TOR1AIP2: variants seen among roughly 807,000 people sequenced by gnomAD.
The protein encoded by TOR1AIP2 is torsin-1A-interacting protein 2.
In TOR1AIP2, 20 loss-of-function variants were observed where a neutral mutation model predicts 32.6. That is an observed-to-expected ratio of 0.61 (90% CI 0.43 to 0.89). TOR1AIP2 has a LOEUF of 0.89. Ranked by LOEUF, TOR1AIP2 falls within the 40% of genes least tolerant of loss-of-function variation. TOR1AIP2 has a pLI of 0.00. For synonymous variants in TOR1AIP2, 214 were observed against 210.8 expected (o/e 1.02, Z -0.13); for missense variants, 456 against 553.8 (o/e 0.82, Z 1.77).
intron 3 of TOR1AIP2, chr1:179,861,499 A>G (rs1212066449): frequency 2.5e-5 from 25 of 982,286 alleles, no homozygotes; most frequent in Non-Finnish European, 3.0e-5. Context: ...CCCTCTTAAT[A>G]TTAAAATTAA....
chr1:179,864,034 G>C, intron 3 of TOR1AIP2: 1 of 985,372 alleles, frequency 1.0e-6, no homozygotes, highest in Non-Finnish European at 1.2e-6. Flanking sequence ...CATTTCCAGG[G>C]GAGGACGTTG....
At position 179,850,941 on chromosome 1, in the gene TOR1AIP2, G is replaced by A. The variant is rs914441089; in HGVS notation, c.457C>T (p.Pro153Ser). Residue 153 changes from proline to serine, a missense_variant, in exon 5 of 7, where the codon CCA becomes TCA. Transcript: ENST00000609928. ...GCCTCCTGGGAGTCTGTAGTAGGTG[G>A]TTCCTGAGATGCTCCAGTTCCGTCA... ...ASDGTGASQE[P>S]PTTDSQEAQS... 3 of 1,614,078 alleles carry A rather than the reference G, an allele frequency of 1.9e-6. No individual in the cohort carries two copies. In the African/African-American group the frequency reaches 4.0e-5, roughly 22 times the overall value.
chr1:179,865,128 G>A, intron 3 of TOR1AIP2: 1 of 1,613,542 alleles, frequency 6.2e-7, no homozygotes, highest in Non-Finnish European at 8.5e-7. Flanking sequence ...TCTAAACTAG[G>A]GAACCACTGT....
chr1:179,858,418 A>AAAAG (rs1696389083), intron 3 of TOR1AIP2, among the ~76,000 whole-genome samples: 2 of 151,932 alleles, frequency 1.3e-5, no homozygotes, highest in African/African-American at 4.9e-5. Context: ...TCAACTGTAC[A>AAAAG]CATAAAGTTT....
rs1252389683 is a variant in TOR1AIP2, at chr1:179,859,452, T to C, written c.-147+5984A>G. 6.1e-6 allele frequency: 6 copies of C among 985,332 alleles called. No homozygotes were observed. The East Asian group carries it at 4.5e-4, about 74-fold the overall frequency. The allele number at this position is 985,332 out of a possible 1,614,324, so 61.0% of individuals were successfully genotyped here. On this transcript the variant is annotated intron_variant, in intron 3 of 6. Coordinates refer to ENST00000609928, the MANE Select transcript of TOR1AIP2 (RefSeq NM_001199260.2). ...CACTTTTAAAAGCTTGTATTAAGCATACCACAAGCACCCTGACTCTGGAAA... is the reference window on the plus strand; with the variant it reads ...CACTTTTAAAAGCTTGTATTAAGCACACCACAAGCACCCTGACTCTGGAAA...
chr1:179,861,677 A>G (rs1558019925), intron 3 of TOR1AIP2: 1 of 985,252 alleles, frequency 1.0e-6, no homozygotes, highest in African/African-American at 1.7e-5. Flanking sequence ...CTGACATGAA[A>G]TCTCTTTTTA....
chr1:179,859,363 A>G (rs756500806), intron 3 of TOR1AIP2: 123 of 964,312 alleles, frequency 1.3e-4, no homozygotes, highest in Non-Finnish European at 1.4e-4. Context: ...ACCCAAGAAC[A>G]CGTGACTACT....
In TOR1AIP2 at chr1:179,842,262, G is replaced by A. The variant is rs1480845072; in HGVS notation, c.*3809C>T. On this transcript the variant is annotated 3_prime_UTR_variant, in exon 7 of 7. Coordinates refer to ENST00000609928, the MANE Select transcript of TOR1AIP2 (RefSeq NM_001199260.2). ...ATCTCAGCGGCTAGCACTATTTAGT[G>A]GAGTCACTAGCTAAGAGAATGGTGG... 1 of 151,954 alleles carries A rather than the reference G, an allele frequency of 6.6e-6. No homozygotes were observed. The highest frequency in any genetic ancestry group is 2.4e-5 in the African/African-American group (1 of 41,342). The allele number at this position is 151,954 out of a possible 1,614,324, so 9.4% of individuals were successfully genotyped here.
chr1:179,858,530 T>A (rs1203458380), intron 3 of TOR1AIP2, among the ~76,000 whole-genome samples: 1 of 152,210 alleles, frequency 6.6e-6, no homozygotes, highest in Admixed American at 6.5e-5. Context: ...CTTTTCTGTA[T>A]GTTTGATGTA....
intron 3 of TOR1AIP2, among the ~76,000 whole-genome samples, chr1:179,855,219 G>A (rs1039841025): frequency 1.3e-5 from 2 of 151,954 alleles, no homozygotes; most frequent in African/African-American, 2.4e-5. Flanking sequence ...AAACCAGAAA[G>A]GAAAATTTGA....
chr1:179,863,773 T>TGGC (rs1696654677), intron 3 of TOR1AIP2: 1 of 984,284 alleles, frequency 1.0e-6, no homozygotes, highest in Non-Finnish European at 1.2e-6. Context: ...AAGCACTAGA[T>TGGC]ACCTAGATAC....
At position 179,851,096 on chromosome 1, in the gene TOR1AIP2, T is replaced by G; in HGVS notation, c.302A>C (p.His101Pro). Residue 101 changes from histidine to proline, a missense_variant, in exon 5 of 7, where the codon CAT (histidine) becomes CCT (proline). His to Pro is a moderately conservative substitution (Grantham distance 77). Transcript: ENST00000609928. ...ACCCAGATTTTCTGAAGGGAGGTGATGCCCTTTTCCGCCATCCAGAAAACT... is the reference window on the plus strand; with the variant it reads ...ACCCAGATTTTCTGAAGGGAGGTGAGGCCCTTTTCCGCCATCCAGAAAACT... The part of the protein sequence containing the change: ...KQSFLDGGKG[H>P]HLPSENLGKE... 6.2e-7 allele frequency: 1 copy of G among 1,614,272 alleles called. No individual in the cohort carries two copies. The highest frequency in any genetic ancestry group is 1.3e-5 in the African/African-American group (1 of 75,076).
chr1:179,848,237 T>G (rs1289403694), intron 5 of TOR1AIP2, among the ~76,000 whole-genome samples: 2 of 152,188 alleles, frequency 1.3e-5, no homozygotes, highest in Non-Finnish European at 2.9e-5. Context: ...AAAATGTAAT[T>G]CAGCAAAATG....
Position 179,846,223 on chromosome 1 carries a change from A to G in TOR1AIP2, c.1261T>C (p.Leu421=). 6.2e-7 allele frequency: 1 copy of G among 1,614,186 alleles called. No individual in the cohort carries two copies. Among genetic ancestry groups the G allele is most frequent in the Non-Finnish European group, 8.5e-7 (1 of 1,180,032 alleles). The part of the protein sequence containing the change: ...PRETEEKVRD[L]LWAKFTNSDT... ...GAGTTGGTAAACTTGGCCCAGAGTA[A>G]GTCTCTCACTTTTTCTTCCGTTTCC... is the stretch of plus-strand genomic sequence containing the variant. The change falls in exon 7 of 7, where the codon TTA becomes CTA. Residue 421 remains leucine (L), a synonymous_variant. Coordinates refer to ENST00000609928, the MANE Select transcript of TOR1AIP2 (RefSeq NM_001199260.2).
rs895563254 is a variant in TOR1AIP2, at chr1:179,845,515, T to C, written c.*556A>G. 3.9e-5 allele frequency: 6 copies of C among 152,448 alleles called. No individual in the cohort carries two copies. Among genetic ancestry groups the C allele is most frequent in the African/African-American group, 1.4e-4 (6 of 41,460 alleles). The allele number at this position is 152,448 out of a possible 1,614,324, so 9.4% of individuals were successfully genotyped here. A position where few individuals can be genotyped will look rare whatever the true frequency, so the allele number is the denominator to read the frequency against. On this transcript the variant is annotated 3_prime_UTR_variant, in exon 7 of 7. Coordinates refer to ENST00000609928, the MANE Select transcript of TOR1AIP2 (RefSeq NM_001199260.2). ...AGTATTTAGGTAGGTACTTAATGGTTTGAATTCTTATTTCTTTTATCATAC... is the reference window on the plus strand; with the variant it reads ...AGTATTTAGGTAGGTACTTAATGGTCTGAATTCTTATTTCTTTTATCATAC...
At chr1:179,848,034 G>GAAA (rs11445917) in intron 5 of TOR1AIP2, among the ~76,000 whole-genome samples, 7 of 86,704 alleles carry the variant, frequency 8.1e-5, no homozygotes, top group Admixed American at 1.4e-4. Flanking sequence ...CTCCATCTCA[G>GAAA]AAAAAAAAAA....
intron 3 of TOR1AIP2, chr1:179,859,134 C>G (rs1372056329): frequency 1.0e-6 from 1 of 985,074 alleles, no homozygotes; most frequent in Non-Finnish European, 1.2e-6. Flanking sequence ...GGCCCTGAAA[C>G]AAGTAGTTAC....
intron 2 of TOR1AIP2, among the ~76,000 whole-genome samples, chr1:179,866,459 C>A (rs1336563895): frequency 1.3e-5 from 2 of 152,074 alleles, no homozygotes; most frequent in African/African-American, 4.8e-5. Context: ...GTTGCCCAGG[C>A]TGGAGTGCAA....
At chr1:179,849,062 G>A (rs1356310956) in intron 5 of TOR1AIP2, among the ~76,000 whole-genome samples, 1 of 152,158 alleles carries the variant, frequency 6.6e-6, no homozygotes, top group Non-Finnish European at 1.5e-5. Context: ...CGTGAATCCG[G>A]GAGGCGGAGC....
Sources: gnomAD v4.1 joint callset for allele counts (sites outside exome capture counted in the v4.1 genomes callset) on GRCh38, gnomAD v4.1.1 for gene constraint, MANE v1.5 for transcripts, NCBI Gene and HGNC (gene_info 2026-07-23, HGNC 2026-07-21) for gene names.